CALN1: variants seen among roughly 807,000 people sequenced by gnomAD.
The protein encoded by CALN1 is calneuron 1, also known as calcium-binding protein 8.
A neutral mutation model predicts 30.6 loss-of-function variants in CALN1; 17 were observed. That is an observed-to-expected ratio of 0.56 (90% CI 0.38 to 0.83). CALN1 has a LOEUF of 0.83. Ranked by LOEUF, CALN1 falls within the 40% of genes least tolerant of loss-of-function variation. The probability of loss-of-function intolerance (pLI) is 0.00; values close to 1 mark genes in which losing one functional copy is unlikely to be tolerated. For missense variants in CALN1, 291 were observed against 354.9 expected, an observed-to-expected ratio of 0.82 and a Z score of 1.45; for synonymous variants, 156 against 131.4, an observed-to-expected ratio of 1.19 and a Z score of -1.28.
At chr7:72,338,783 A>C (rs1429714994) in intron 2 of CALN1, among the ~76,000 whole-genome samples, 1 of 152,076 alleles carries the variant, frequency 6.6e-6, no homozygotes, top group Non-Finnish European at 1.5e-5. Flanking sequence ...CATTCCCTCA[A>C]ACATTCATCC....
At chr7:72,039,741 T>C (rs1183743357) in intron 4 of CALN1, among the ~76,000 whole-genome samples, 1 of 152,170 alleles carries the variant, frequency 6.6e-6, no homozygotes, top group Non-Finnish European at 1.5e-5. Context: ...GGCCCAGGCC[T>C]CTCACCCTTT....
chr7:71,801,815 A>G (rs1415290870), intron 6 of CALN1, among the ~76,000 whole-genome samples: 2 of 151,880 alleles, frequency 1.3e-5, no homozygotes, highest in Non-Finnish European at 2.9e-5. Flanking sequence ...CGTCTCTACT[A>G]AAAATACAAA....
At chr7:72,390,984 T>C (rs1181602449) in intron 2 of CALN1, among the ~76,000 whole-genome samples, 1 of 152,244 alleles carries the variant, frequency 6.6e-6, no homozygotes, top group Non-Finnish European at 1.5e-5. Flanking sequence ...TATTTTTTTC[T>C]GACTCTAAGA....
At chr7:71,835,525 G>A (rs186914669) in intron 5 of CALN1, among the ~76,000 whole-genome samples, 27 of 152,228 alleles carry the variant, frequency 1.8e-4, no homozygotes, top group African/African-American at 6.3e-4. Flanking sequence ...TCGAGCACAC[G>A]GCTAAGCTGT....
chr7:72,206,091 G>A (rs1791859419), intron 3 of CALN1, among the ~76,000 whole-genome samples: 1 of 152,116 alleles, frequency 6.6e-6, no homozygotes, highest in African/African-American at 2.4e-5. Context: ...AAGATCAAGG[G>A]CTCACTCACC....
chr7:72,408,675 C>CTTTTTTTTTTTTTTT (rs534883618), intron 1 of CALN1, among the ~76,000 whole-genome samples: 5 of 77,966 alleles, frequency 6.4e-5, no homozygotes, highest in Non-Finnish European at 1.1e-4. Flanking sequence ...TTATCTTTTC[C>CTTTTTTTTTTTTTTT]TTTTTTTTTT....
chr7:72,147,946 T>TG, intron 3 of CALN1, among the ~76,000 whole-genome samples: 1 of 47,310 alleles, frequency 2.1e-5, no homozygotes, highest in East Asian at 6.7e-4. Context: ...CAGGGCCTGT[T>TG]GTGGGGGGAG....
chr7:72,178,337 C>A (rs937126339), intron 3 of CALN1, among the ~76,000 whole-genome samples: 3 of 151,986 alleles, frequency 2.0e-5, no homozygotes, highest in Non-Finnish European at 4.4e-5. Flanking sequence ...AAAGGCTGCA[C>A]TTGTGCAAGA....
chr7:71,811,676 CTTTTTTTTTT>C (rs59136685), intron 5 of CALN1, among the ~76,000 whole-genome samples: 4 of 139,906 alleles, frequency 2.9e-5, no homozygotes, highest in Non-Finnish European at 6.3e-5. Context: ...TTTCTTTTTT[CTTTTTTTTTT>C]TTTTTTTCCG....
chr7:72,414,409 C>T (rs1452137145), upstream of CALN1, among the ~76,000 whole-genome samples: 1 of 152,214 alleles, frequency 6.6e-6, no homozygotes, highest in African/African-American at 2.4e-5. Context: ...CACACAGCTT[C>T]TCTTGCAGGC....
chr7:72,451,231 AG>A (rs1808652942), upstream of CALN1, among the ~76,000 whole-genome samples: 1 of 134,144 alleles, frequency 7.5e-6, no homozygotes, highest in East Asian at 2.1e-4. Flanking sequence ...GAGGAGGAGG[AG>A]GAGAAGGAGG....
At chr7:71,850,751 C>T in intron 5 of CALN1, among the ~76,000 whole-genome samples, 1 of 152,100 alleles carries the variant, frequency 6.6e-6, no homozygotes, top group East Asian at 1.9e-4. Context: ...ACAATTAGCT[C>T]TTAAAAGCAT....
chr7:72,070,347 A>G (rs1804303731), intron 4 of CALN1, among the ~76,000 whole-genome samples: 1 of 152,174 alleles, frequency 6.6e-6, no homozygotes, highest in Non-Finnish European at 1.5e-5. Flanking sequence ...AAGGCAGAAT[A>G]TATGAGGTAT....
intron 4 of CALN1, among the ~76,000 whole-genome samples, chr7:72,082,040 G>A (rs747060297): frequency 3.0e-4 from 46 of 151,984 alleles, no homozygotes; most frequent in Non-Finnish European, 5.1e-4. Context: ...AGGCTGGAGT[G>A]CAGTGGTGCA....
At chr7:71,788,652 G>C (rs1484731319) in intron 6 of CALN1, among the ~76,000 whole-genome samples, 1 of 150,530 alleles carries the variant, frequency 6.6e-6, no homozygotes, top group East Asian at 2.0e-4. Flanking sequence ...GTGCCACCGT[G>C]CCTAATTATT....
At chr7:72,009,632 T>C (rs1799956358) in intron 5 of CALN1, among the ~76,000 whole-genome samples, 2 of 152,210 alleles carry the variant, frequency 1.3e-5, no homozygotes, top group South Asian at 4.1e-4. Flanking sequence ...ATCATTCCCA[T>C]GTGTTGTGGG....
chr7:72,105,769 AAGG>A (rs1313259645), intron 4 of CALN1, among the ~76,000 whole-genome samples: 149 of 115,328 alleles, frequency 1.3e-3, no homozygotes, highest in Non-Finnish European at 1.8e-3. Flanking sequence ...GAGGAAGAAG[AAGG>A]AGGAGGAGGA....
At position 71,881,084 on chromosome 7, in the gene CALN1, G is replaced by A. The variant is rs115740427; in HGVS notation, c.502-70592C>T. Among the ~76,000 whole-genome samples, 1,214 of 152,270 alleles carry A rather than the reference G, an allele frequency of 8.0e-3. 10 individuals carry two copies. Among genetic ancestry groups the A allele is most frequent in the African/African-American group, 0.028 (1,171 of 41,552 alleles). On this transcript the variant is annotated intron_variant, in intron 5 of 6. Transcript: ENST00000395275. ...AAGGACTTGACTTGCTGAGTCTTCCGGAATTCATCTTTCTCCCGTGCTGGA... is the reference window on the plus strand; with the variant it reads ...AAGGACTTGACTTGCTGAGTCTTCCAGAATTCATCTTTCTCCCGTGCTGGA...
intron 5 of CALN1, among the ~76,000 whole-genome samples, chr7:71,940,432 G>A (rs959606923): frequency 6.6e-6 from 1 of 152,100 alleles, no homozygotes; most frequent in Non-Finnish European, 1.5e-5. Flanking sequence ...ACTTGTTACA[G>A]CAAATTTCCT....
Sources: gnomAD v4.1 joint callset for allele counts (sites outside exome capture counted in the v4.1 genomes callset) on GRCh38, gnomAD v4.1.1 for gene constraint, MANE v1.5 for transcripts, NCBI Gene and HGNC (gene_info 2026-07-23, HGNC 2026-07-21) for gene names.